ADAMTS17: variants seen among roughly 807,000 people sequenced by gnomAD.
ADAMTS17 encodes ADAM metallopeptidase with thrombospondin type 1 motif 17.
ADAMTS17 carries 113 observed loss-of-function variants against 141.5 expected under a neutral mutation model. That is an observed-to-expected ratio of 0.80 (90% CI 0.69 to 0.93). The LOEUF (loss-of-function observed/expected upper bound fraction) is 0.93. Ranked by LOEUF, ADAMTS17 falls within the 40% of genes least tolerant of loss-of-function variation. The pLI is 0.00. For missense variants in ADAMTS17, 1,659 were observed against 1,517.9 expected (o/e 1.09, Z -1.54); for synonymous variants, 768 against 630.6 (o/e 1.22, Z -3.27).
intron 6 of ADAMTS17, among the ~76,000 whole-genome samples, chr15:100,258,479 T>C (rs1412165641): frequency 6.6e-6 from 1 of 152,156 alleles, no homozygotes; most frequent in Non-Finnish European, 1.5e-5. Context: ...TTAATGCACT[T>C]ATAGTTCCAC....
chr15:100,003,269 T>C (rs193010336), intron 18 of ADAMTS17, among the ~76,000 whole-genome samples: 2 of 152,226 alleles, frequency 1.3e-5, no homozygotes, highest in Admixed American at 1.3e-4. Context: ...CCTGGGGTTC[T>C]AGATGTATAG....
intron 3 of ADAMTS17, among the ~76,000 whole-genome samples, chr15:100,329,310 G>C (rs997171236): frequency 6.6e-6 from 1 of 152,110 alleles, no homozygotes; most frequent in African/African-American, 2.4e-5. Flanking sequence ...AGGCCAAGGC[G>C]AGAGGATCAC....
In ADAMTS17 at chr15:100,199,334, G is replaced by A. The variant is rs1268616022; in HGVS notation, c.1165C>T (p.His389Tyr). 1.2e-6 allele frequency: 2 copies of A among 1,614,168 alleles called. No homozygotes were observed. Among genetic ancestry groups the A allele is most frequent in the Non-Finnish European group, 1.7e-6 (2 of 1,179,988 alleles). The change falls in exon 8 of 22, where the codon CAT (histidine) becomes TAT (tyrosine). Residue 389 changes from histidine to tyrosine, a missense_variant. Physicochemically the swap from His to Tyr is moderately conservative, Grantham distance 83. Transcript: ENST00000268070. ...NGLNLAFTIA[H>Y]ELGHNLGMNH... ...GATACTTACTTGTGGCCCAGCTCATGGGCGATGGTAAAGGCCAAATTGAGA... is the reference window on the plus strand; with the variant it reads ...GATACTTACTTGTGGCCCAGCTCATAGGCGATGGTAAAGGCCAAATTGAGA...
intron 16 of ADAMTS17, among the ~76,000 whole-genome samples, 160 bp from the exon 17 acceptor site, chr15:100,051,891 C>A (rs1281120172): frequency 2.0e-5 from 3 of 152,196 alleles, no homozygotes; most frequent in African/African-American, 7.2e-5. Flanking sequence ...GCTCCTTTAT[C>A]TCAGCCCTGG....
intron 3 of ADAMTS17, among the ~76,000 whole-genome samples, chr15:100,320,955 G>C (rs2045715723): frequency 6.6e-6 from 1 of 152,182 alleles, no homozygotes; most frequent in African/African-American, 2.4e-5. Flanking sequence ...CCAGGGAAGA[G>C]GGTTGCAAGA....
intron 19 of ADAMTS17, among the ~76,000 whole-genome samples, chr15:99,994,813 C>T (rs777826428): frequency 6.3e-4 from 96 of 152,388 alleles, no homozygotes; most frequent in Non-Finnish European, 1.2e-3. Flanking sequence ...ATCCACCCGA[C>T]TTGGCCTCCC....
chr15:100,052,247 T>C (rs2032205663), intron 16 of ADAMTS17, among the ~76,000 whole-genome samples: 1 of 151,012 alleles, frequency 6.6e-6, no homozygotes, highest in Admixed American at 6.6e-5. Context: ...GAGTCAGGAG[T>C]AAGGCAAGCT....
intron 10 of ADAMTS17, among the ~76,000 whole-genome samples, chr15:100,141,345 G>A (rs2038640787): frequency 6.6e-6 from 1 of 152,140 alleles, no homozygotes; most frequent in South Asian, 2.1e-4. Context: ...AGGTCATGTT[G>A]CTGTTCTCTT....
chr15:100,005,281 G>T (rs1399745931), intron 18 of ADAMTS17, among the ~76,000 whole-genome samples: 3 of 152,124 alleles, frequency 2.0e-5, no homozygotes, highest in African/African-American at 7.2e-5. Context: ...CAACTTAATG[G>T]CTCAAAATAA....
At chr15:100,111,136 C>T (rs2036752611) in intron 13 of ADAMTS17, among the ~76,000 whole-genome samples, 1 of 152,178 alleles carries the variant, frequency 6.6e-6, no homozygotes, top group Non-Finnish European at 1.5e-5. Flanking sequence ...CACCATGCAT[C>T]CATTCACCAA....
chr15:100,183,529 A>C (rs2141544780), intron 8 of ADAMTS17, among the ~76,000 whole-genome samples: 1 of 152,076 alleles, frequency 6.6e-6, no homozygotes, highest in Admixed American at 6.5e-5. Flanking sequence ...TCTTTGATGA[A>C]ATTTTGTTTT....
At chr15:100,058,276 C>T (rs371889156) in intron 15 of ADAMTS17, among the ~76,000 whole-genome samples, 2 of 92,710 alleles carry the variant, frequency 2.2e-5, no homozygotes, top group African/African-American at 3.5e-5. Flanking sequence ...ACCCCTATCC[C>T]GGCTCTAACC....
intron 2 of ADAMTS17, among the ~76,000 whole-genome samples, chr15:100,338,063 T>G (rs1448973620): frequency 6.6e-6 from 1 of 152,182 alleles, no homozygotes; most frequent in East Asian, 1.9e-4. Flanking sequence ...CTTGGAAATG[T>G]AAATACAATG....
chr15:100,156,970 TTAAC>T (rs112222093), intron 8 of ADAMTS17, among the ~76,000 whole-genome samples: 53 of 152,324 alleles, frequency 3.5e-4, no homozygotes, highest in African/African-American at 1.2e-3. Flanking sequence ...GGAAAGAGGT[TTAAC>T]TGACTCACAG....
chr15:100,189,505 C>T (rs1752945493), intron 8 of ADAMTS17, among the ~76,000 whole-genome samples: 1 of 152,184 alleles, frequency 6.6e-6, no homozygotes, highest in Non-Finnish European at 1.5e-5. Flanking sequence ...TCCCCAGATG[C>T]AGAGCCACCA....
At chr15:100,136,776 T>A (rs2038355641) in intron 10 of ADAMTS17, among the ~76,000 whole-genome samples, 1 of 152,304 alleles carries the variant, frequency 6.6e-6, no homozygotes, top group African/African-American at 2.4e-5. Context: ...GGTCTTATTC[T>A]CAGATTGCAA....
intron 14 of ADAMTS17, among the ~76,000 whole-genome samples, chr15:100,099,600 A>G (rs1470607783): frequency 6.6e-6 from 1 of 152,124 alleles, no homozygotes; most frequent in East Asian, 1.9e-4. Context: ...TTCATCACCC[A>G]TTTCTCAGCT....
At chr15:100,125,071 G>T (rs1416367395) in intron 12 of ADAMTS17, among the ~76,000 whole-genome samples, 5 of 152,198 alleles carry the variant, frequency 3.3e-5, no homozygotes, top group Admixed American at 2.6e-4. Flanking sequence ...CAGCAGTTCG[G>T]ACCAGCTTCA....
intron 7 of ADAMTS17, among the ~76,000 whole-genome samples, chr15:100,239,998 C>T (rs2042780724): frequency 6.6e-6 from 1 of 152,196 alleles, no homozygotes; most frequent in Non-Finnish European, 1.5e-5. Context: ...CCAGTCACAG[C>T]AAAGCCAGAA....
Sources: gnomAD v4.1 joint callset for allele counts (sites outside exome capture counted in the v4.1 genomes callset) on GRCh38, gnomAD v4.1.1 for gene constraint, MANE v1.5 for transcripts, NCBI Gene and HGNC (gene_info 2026-07-23, HGNC 2026-07-21) for gene names.